OR9Q1: variants seen among roughly 807,000 people sequenced by gnomAD.
OR9Q1 encodes the protein olfactory receptor 9Q1.
For missense variants in OR9Q1, 374 were observed against 378.8 expected (o/e 0.99, Z 0.11); for synonymous variants, 153 against 148.6 (o/e 1.03, Z -0.22).
At chr11:58,151,133 G>A (rs1854347175) in intron 2 of OR9Q1, among the ~76,000 whole-genome samples, 1 of 152,110 alleles carries the variant, frequency 6.6e-6, no homozygotes, top group East Asian at 1.9e-4. Context: ...TCTTTTGCGT[G>A]GGTTATCCAG....
At chr11:58,024,851 T>A (rs1226475038) in intron 1 of OR9Q1, among the ~76,000 whole-genome samples, 1 of 152,118 alleles carries the variant, frequency 6.6e-6, no homozygotes, top group Non-Finnish European at 1.5e-5. Flanking sequence ...GCAGGGAAAT[T>A]AACCTCAGAG....
intron 2 of OR9Q1, among the ~76,000 whole-genome samples, chr11:58,142,369 C>A (rs1004158435): frequency 1.3e-5 from 2 of 152,080 alleles, no homozygotes; most frequent in Non-Finnish European, 2.9e-5. Flanking sequence ...TGAATATAGC[C>A]TCTTTTTCCC....
At chr11:58,133,900 T>C (rs1590608437) in intron 2 of OR9Q1, among the ~76,000 whole-genome samples, 1 of 148,424 alleles carries the variant, frequency 6.7e-6, no homozygotes, top group East Asian at 2.0e-4. Flanking sequence ...ATAGGTGTAA[T>C]TGGTCAGAAG....
intron 2 of OR9Q1, among the ~76,000 whole-genome samples, chr11:58,095,119 C>A: frequency 6.6e-6 from 1 of 152,152 alleles, no homozygotes; most frequent in East Asian, 1.9e-4. Flanking sequence ...AAAAACTGAC[C>A]AAACCACTGT....
rs1340312956 is a variant in OR9Q1, at chr11:58,181,555, C to T, written c.*1178C>T. 1 of 154,488 alleles carries T rather than the reference C, an allele frequency of 6.5e-6. No individual in the cohort carries two copies. Among genetic ancestry groups the T allele is most frequent in the Non-Finnish European group, 1.5e-5 (1 of 67,038 alleles). The allele number at this position is 154,488 out of a possible 1,614,324, so 9.6% of individuals were successfully genotyped here. ...GAACTCAAACTTCTTTTCCTGTCTC[C>T]TGGATTACTAAAAAAAAAAAAAAAA... is the stretch of plus-strand genomic sequence containing the variant. On this transcript the variant is annotated 3_prime_UTR_variant, in exon 3 of 3. Transcript: ENST00000335397.
chr11:58,149,649 A>G (rs902742558), intron 2 of OR9Q1, among the ~76,000 whole-genome samples: 2 of 152,054 alleles, frequency 1.3e-5, no homozygotes, highest in Non-Finnish European at 2.9e-5. Context: ...GGCAATCACC[A>G]TTCTAGTTCT....
chr11:58,103,805 G>A (rs1488643367), intron 2 of OR9Q1, among the ~76,000 whole-genome samples: 2 of 152,160 alleles, frequency 1.3e-5, no homozygotes, highest in African/African-American at 2.4e-5. Context: ...GAGTGCATTG[G>A]CTTTTATTCT....
chr11:58,088,521 G>A (rs1853654464), intron 2 of OR9Q1, among the ~76,000 whole-genome samples: 1 of 151,902 alleles, frequency 6.6e-6, no homozygotes, highest in Non-Finnish European at 1.5e-5. Context: ...ATTCTAACTG[G>A]AATGAGATGG....
At chr11:58,063,258 T>C (rs1853397758) in intron 2 of OR9Q1, among the ~76,000 whole-genome samples, 1 of 152,180 alleles carries the variant, frequency 6.6e-6, no homozygotes, top group Non-Finnish European at 1.5e-5. Flanking sequence ...ACATTTCTTC[T>C]CAGGTTCAAT....
At chr11:58,116,483 T>G (rs933742939) in intron 2 of OR9Q1, among the ~76,000 whole-genome samples, 1 of 152,210 alleles carries the variant, frequency 6.6e-6, no homozygotes, top group Non-Finnish European at 1.5e-5. Flanking sequence ...TTCATATCCT[T>G]GTCAACACAG....
intron 2 of OR9Q1, among the ~76,000 whole-genome samples, chr11:58,141,449 A>G (rs1268654529): frequency 6.6e-6 from 1 of 152,210 alleles, no homozygotes; most frequent in African/African-American, 2.4e-5. Context: ...ATTTTGTTAA[A>G]GGCCTTTTCT....
intron 2 of OR9Q1, among the ~76,000 whole-genome samples, chr11:58,096,773 G>A (rs879813664): frequency 4.7e-5 from 7 of 147,988 alleles, no homozygotes; most frequent in African/African-American, 7.5e-5. Flanking sequence ...GCGCAATCTC[G>A]GCTCACTACA....
At chr11:58,177,658 T>G (rs998975783) in intron 2 of OR9Q1, among the ~76,000 whole-genome samples, 4 of 152,212 alleles carry the variant, frequency 2.6e-5, no homozygotes, top group African/African-American at 2.4e-5. Flanking sequence ...GCTTATGGGC[T>G]TCGTGACTGT....
chr11:58,075,831 G>C (rs1156388526), intron 2 of OR9Q1, among the ~76,000 whole-genome samples: 5 of 152,210 alleles, frequency 3.3e-5, no homozygotes, highest in Non-Finnish European at 7.3e-5. Flanking sequence ...TCATGGGCCA[G>C]AATCAGTGTG....
chr11:58,159,665 AACAG>A (rs1337405033), intron 2 of OR9Q1, among the ~76,000 whole-genome samples: 2 of 152,228 alleles, frequency 1.3e-5, no homozygotes, highest in East Asian at 1.9e-4. Context: ...TTGAAAGTAT[AACAG>A]ACAGACAAGT....
intron 1 of OR9Q1, among the ~76,000 whole-genome samples, chr11:58,035,397 T>G (rs1164164533): frequency 6.6e-6 from 1 of 152,230 alleles, no homozygotes; most frequent in Non-Finnish European, 1.5e-5. Context: ...ATTTGATATA[T>G]AGACTGCTCC....
intron 2 of OR9Q1, among the ~76,000 whole-genome samples, chr11:58,110,199 G>T (rs1168738375): frequency 6.6e-6 from 1 of 152,138 alleles, no homozygotes; most frequent in East Asian, 1.9e-4. Context: ...AAGCTAGATT[G>T]CTCTTTCTAT....
intron 2 of OR9Q1, among the ~76,000 whole-genome samples, chr11:58,099,405 TATGTA>T (rs1409028504): frequency 6.6e-6 from 1 of 151,440 alleles, no homozygotes; most frequent in Non-Finnish European, 1.5e-5. Context: ...GGTGCACAGA[TATGTA>T]AGGTTGTTAT....
chr11:58,139,232 G>A (rs1010641216), intron 2 of OR9Q1, among the ~76,000 whole-genome samples: 1 of 151,822 alleles, frequency 6.6e-6, no homozygotes, highest in Non-Finnish European at 1.5e-5. Context: ...CTTATATACA[G>A]GGTTTTTTCC....
Sources: gnomAD v4.1 joint callset for allele counts (sites outside exome capture counted in the v4.1 genomes callset) on GRCh38, gnomAD v4.1.1 for gene constraint, MANE v1.5 for transcripts, NCBI Gene and HGNC (gene_info 2026-07-23, HGNC 2026-07-21) for gene names.